The following ITGB1 variants were observed in gnomAD, a reference collection of about 807,000 sequenced individuals.
ITGB1 encodes the protein integrin subunit beta 1.
A neutral mutation model predicts 86.5 loss-of-function variants in ITGB1; 24 were observed. The observed-to-expected ratio is 0.28, with a 90% CI of 0.20 to 0.39. ITGB1 has a LOEUF of 0.39. Ranked by LOEUF, ITGB1 falls within the 10% of genes least tolerant of loss-of-function variation. The pLI, the probability that ITGB1 is intolerant of heterozygous loss-of-function variation, is 1.00. For missense variants in ITGB1, 556 were observed against 946.9 expected, an observed-to-expected ratio of 0.59 and a Z score of 5.42; for synonymous variants, 323 against 316.8, an observed-to-expected ratio of 1.02 and a Z score of -0.21.
chr10:32,935,613 A>G, intron 1 of ITGB1, 55 bp from the exon 2 acceptor site: 1 of 1,275,562 alleles, frequency 7.8e-7, no homozygotes, highest in Middle Eastern at 2.3e-4. Context: ...TGAAAAATGC[A>G]TTAAATAGAA....
intron 1 of ITGB1, among the ~76,000 whole-genome samples, chr10:32,956,098 T>C (rs1157733024): frequency 6.6e-6 from 1 of 152,186 alleles, no homozygotes; most frequent in Non-Finnish European, 1.5e-5. Context: ...TCTCCCCAAA[T>C]GCCTGTAATG....
intron 6 of ITGB1, 46 bp from the exon 7 acceptor site, chr10:32,923,786 T>C (rs1187049735): frequency 6.5e-7 from 1 of 1,526,878 alleles, no homozygotes; most frequent in Non-Finnish European, 8.9e-7. Flanking sequence ...TTCACAGTAA[T>C]TCAACAAAAA....
chr10:32,925,224 A>G (rs1316375382), intron 6 of ITGB1, among the ~76,000 whole-genome samples: 2 of 152,222 alleles, frequency 1.3e-5, no homozygotes, highest in Admixed American at 6.5e-5. Flanking sequence ...ATCTCAAAAT[A>G]CATAGCTGCT....
At chr10:32,915,378 C>A (rs540787333) in intron 11 of ITGB1, among the ~76,000 whole-genome samples, 5 of 152,270 alleles carry the variant, frequency 3.3e-5, no homozygotes, top group African/African-American at 1.2e-4. Context: ...AATCCAGGAG[C>A]TGGTTTTTTG....
chr10:32,947,554 A>G lies in ITGB1; in HGVS notation c.-1+10591T>C, dbSNP rs145143355. 3.9e-5 allele frequency among the ~76,000 whole-genome samples: 6 copies of G among 152,168 alleles called. No individual in the cohort carries two copies. The East Asian group carries it at 7.7e-4, about 20-fold the overall frequency. On this transcript the variant is annotated intron_variant, in intron 1 of 15. Transcript: ENST00000302278. ...TTTGGGGCATATGTAGCTCTTATAC[A>G]TCTACTAATGATGTACATGGTTGAC...
intron 13 of ITGB1, 34 bp downstream of exon 13, chr10:32,911,414 T>C (rs1422813774): frequency 1.9e-6 from 3 of 1,555,648 alleles, no homozygotes; most frequent in South Asian, 2.2e-5. Context: ...CAAGAGGAAG[T>C]ATCAACTATT....
chr10:32,935,216 A>G (rs759004065), intron 2 of ITGB1, among the ~76,000 whole-genome samples: 2 of 151,938 alleles, frequency 1.3e-5, no homozygotes, highest in Non-Finnish European at 2.9e-5. Flanking sequence ...TCACTTACAC[A>G]CTCTCATGTT....
chr10:32,940,714 T>C (rs542318352), intron 1 of ITGB1, among the ~76,000 whole-genome samples: 1 of 152,356 alleles, frequency 6.6e-6, no homozygotes, highest in Admixed American at 6.5e-5. Flanking sequence ...CCTTACTCTC[T>C]GCATTCATTC....
intron 1 of ITGB1, among the ~76,000 whole-genome samples, chr10:32,952,055 C>A (rs922645927): frequency 1.3e-5 from 2 of 152,172 alleles, no homozygotes; most frequent in Non-Finnish European, 2.9e-5. Context: ...TGGTGGAGTG[C>A]ATACAGTATT....
intron 1 of ITGB1, among the ~76,000 whole-genome samples, chr10:32,938,001 C>A (rs116108499): frequency 6.6e-6 from 1 of 152,164 alleles, no homozygotes; most frequent in African/African-American, 2.4e-5. Context: ...TTAAGCGTAA[C>A]GTGAAAAGTC....
chr10:32,939,827 T>C (rs1255645078), intron 1 of ITGB1, among the ~76,000 whole-genome samples: 1 of 152,090 alleles, frequency 6.6e-6, no homozygotes, highest in Non-Finnish European at 1.5e-5. Flanking sequence ...CTGACATTAC[T>C]ATACACAGTA....
At chr10:32,915,851 G>C (rs1019695443) in intron 11 of ITGB1, among the ~76,000 whole-genome samples, 4 of 152,182 alleles carry the variant, frequency 2.6e-5, no homozygotes, top group African/African-American at 4.8e-5. Flanking sequence ...GCCTGGCAGA[G>C]ACACAACAAA....
chr10:32,957,823 A>T (rs996909496), intron 1 of ITGB1: 4 of 152,124 alleles, frequency 2.6e-5, no homozygotes, highest in Non-Finnish European at 4.4e-5. Context: ...GGTCCCCCGC[A>T]GCTCCGGCAG....
At chr10:32,943,204 T>G (rs2095023102) in intron 1 of ITGB1, among the ~76,000 whole-genome samples, 1 of 152,152 alleles carries the variant, frequency 6.6e-6, no homozygotes, top group South Asian at 2.1e-4. Flanking sequence ...TAAGCCAACT[T>G]ATAGATAGAT....
At chr10:32,935,656 A>C (rs879608189) in intron 1 of ITGB1, 98 bp from the exon 2 acceptor site, 3 of 826,528 alleles carry the variant, frequency 3.6e-6, no homozygotes, top group Non-Finnish European at 5.9e-6. Flanking sequence ...TATTGCTTTT[A>C]TAAACATGAT....
rs913665897 is a variant in ITGB1, at chr10:32,942,326, C to T, written c.1-6768G>A. Among the ~76,000 whole-genome samples, 8 of 152,154 alleles carry T rather than the reference C, an allele frequency of 5.3e-5. 1 individual carries two copies. The highest frequency in any genetic ancestry group is 3.4e-3 in the Middle Eastern group (1 of 294). On this transcript the variant is annotated intron_variant, in intron 1 of 15. Transcript: ENST00000302278. ...AGAACTCCTAGGAAAAGAGGTACGG[C>T]TTAGGGGTTGCAGAAAATTAGGAAG... is the stretch of plus-strand genomic sequence containing the variant.
At chr10:32,952,459 T>TAATC (rs10630384) in intron 1 of ITGB1, among the ~76,000 whole-genome samples, 127,217 of 151,666 alleles carry the variant, frequency 0.84, 53,837 homozygotes, top group Non-Finnish European at 0.9. Context: ...CCTCCTCCAA[T>TAATC]AAACATGACC....
chr10:32,940,926 G>A (rs1011801761), intron 1 of ITGB1, among the ~76,000 whole-genome samples: 1 of 152,148 alleles, frequency 6.6e-6, no homozygotes, highest in Non-Finnish European at 1.5e-5. Flanking sequence ...GTCAGGTTTT[G>A]AGCCATATCA....
intron 1 of ITGB1, among the ~76,000 whole-genome samples, chr10:32,939,857 C>A (rs1428144011): frequency 6.6e-6 from 1 of 152,132 alleles, no homozygotes; most frequent in Admixed American, 6.5e-5. Flanking sequence ...CAAATACACA[C>A]TACATTAGCC....
Sources: gnomAD v4.1 joint callset for allele counts (sites outside exome capture counted in the v4.1 genomes callset) on GRCh38, gnomAD v4.1.1 for gene constraint, MANE v1.5 for transcripts, NCBI Gene and HGNC (gene_info 2026-07-23, HGNC 2026-07-21) for gene names.